Variants in DRC11 observed in about 807,000 individuals in gnomAD.
The protein encoded by DRC11 is IQ and AAA domain-containing protein 1.
At chr2:236,430,671 C>T in the DRC11 span, among the ~76,000 whole-genome samples, 3 of 152,286 alleles carry the variant, frequency 2.0e-5, no homozygotes, top group South Asian at 2.1e-4. This position sits in a 1 kb window ranked among gnomAD's most constrained non-coding sequence, Gnocchi z 6.0. Context: ...AGGTGGTGAA[C>T]ATATCTGCAG....
At chr2:236,442,398 AAGAGTACAT>A in the DRC11 span, among the ~76,000 whole-genome samples, 2 of 152,184 alleles carry the variant, frequency 1.3e-5, no homozygotes, top group Non-Finnish European at 2.9e-5. Flanking sequence ...CCTCAAATGG[AAGAGTACAT>A]AGAACAAGAA....
At chr2:236,401,165 C>T in the DRC11 span, among the ~76,000 whole-genome samples, 22 of 152,268 alleles carry the variant, frequency 1.4e-4, no homozygotes, top group Non-Finnish European at 2.2e-4. The surrounding 1 kb of genome is among the most constrained non-coding windows in gnomAD (Gnocchi z 4.6). Context: ...GGAGTGCCCC[C>T]GCCCACCTCT....
the DRC11 span, among the ~76,000 whole-genome samples, chr2:236,502,548 C>CAA: frequency 0.036 from 539 of 15,088 alleles, 178 homozygotes; most frequent in Non-Finnish European, 0.091. Context: ...TGCACTCCAG[C>CAA]AAAAAAAAAA....
the DRC11 span, among the ~76,000 whole-genome samples, chr2:236,467,367 T>C: frequency 8.1e-4 from 124 of 152,268 alleles, no homozygotes; most frequent in African/African-American, 1.7e-3. Flanking sequence ...ATAGTGCAAA[T>C]AGGAGAAAAA....
chr2:236,504,773 C>T, the DRC11 span, among the ~76,000 whole-genome samples: 3 of 152,306 alleles, frequency 2.0e-5, no homozygotes, highest in South Asian at 6.2e-4. The surrounding 1 kb of genome is among the most constrained non-coding windows in gnomAD (Gnocchi z 5.0). Context: ...AGTGAGTTCT[C>T]ACGAGATCGG....
chr2:236,364,943 T>A, the DRC11 span, among the ~76,000 whole-genome samples: 1 of 152,230 alleles, frequency 6.6e-6, no homozygotes, highest in South Asian at 2.1e-4. Flanking sequence ...AAAATAGTTT[T>A]GAGCAAATTC....
At chr2:236,331,492 A>T in the DRC11 span, 1 of 1,613,926 alleles carries the variant, frequency 6.2e-7, no homozygotes, top group Non-Finnish European at 8.5e-7. This position sits in a 1 kb window ranked among gnomAD's most constrained non-coding sequence, Gnocchi z 4.8. Context: ...AACCACTTCG[A>T]CTATATGTCC....
chr2:236,486,846 TCTC>T, the DRC11 span: 3 of 1,609,748 alleles, frequency 1.9e-6, no homozygotes, highest in East Asian at 2.2e-5. The surrounding 1 kb of genome is among the most constrained non-coding windows in gnomAD (Gnocchi z 5.7). Flanking sequence ...AGGAAGATCA[TCTC>T]CTCTTCTCTC....
At chr2:236,495,579 T>C in the DRC11 span, among the ~76,000 whole-genome samples, 1 of 152,090 alleles carries the variant, frequency 6.6e-6, no homozygotes, top group African/African-American at 2.4e-5. The surrounding 1 kb of genome is among the most constrained non-coding windows in gnomAD (Gnocchi z 5.6). Flanking sequence ...TTAGGAAAGG[T>C]TCCTCACATG....
At chr2:236,430,835 T>C in the DRC11 span, among the ~76,000 whole-genome samples, 1 of 152,242 alleles carries the variant, frequency 6.6e-6, no homozygotes, top group Non-Finnish European at 1.5e-5. This position sits in a 1 kb window ranked among gnomAD's most constrained non-coding sequence, Gnocchi z 6.0. Context: ...TGCATCTTGT[T>C]TGCCAGTTGC....
At chr2:236,338,145 GCACACAGTGGACAGC>G in the DRC11 span, 1 of 1,533,300 alleles carries the variant, frequency 6.5e-7, no homozygotes, top group Non-Finnish European at 8.8e-7. Flanking sequence ...CTCCTGGCAA[GCACACAGTGGACAGC>G]CCAGCCTCAG....
chr2:236,503,760 T>C, the DRC11 span: 8 of 1,457,416 alleles, frequency 5.5e-6, no homozygotes, highest in South Asian at 9.7e-5. The surrounding 1 kb of genome is among the most constrained non-coding windows in gnomAD (Gnocchi z 4.9). Context: ...CCTCCCACAC[T>C]GGACCGCCAG....
chr2:236,319,971 C>T, the DRC11 span, among the ~76,000 whole-genome samples: 6 of 152,198 alleles, frequency 3.9e-5, no homozygotes, highest in African/African-American at 1.2e-4. The surrounding 1 kb of genome is among the most constrained non-coding windows in gnomAD (Gnocchi z 6.7). Flanking sequence ...TGTCCTTCCC[C>T]CTCAGACTGC....
At chr2:236,417,939 T>C in the DRC11 span, among the ~76,000 whole-genome samples, 2 of 152,208 alleles carry the variant, frequency 1.3e-5, no homozygotes, top group South Asian at 2.1e-4. Context: ...TAGTATTCCA[T>C]GGTGTATATG....
the DRC11 span, among the ~76,000 whole-genome samples, chr2:236,389,728 G>A: frequency 1.3e-5 from 2 of 152,072 alleles, no homozygotes; most frequent in Non-Finnish European, 2.9e-5. Flanking sequence ...ATTTCCCTGC[G>A]AATTTTTTTC....
the DRC11 span, among the ~76,000 whole-genome samples, chr2:236,319,213 CAG>C: frequency 6.6e-6 from 1 of 152,232 alleles, no homozygotes; most frequent in Non-Finnish European, 1.5e-5. The surrounding 1 kb of genome is among the most constrained non-coding windows in gnomAD (Gnocchi z 6.7). Context: ...TTTGGGCACT[CAG>C]CAGTAATTGA....
chr2:236,321,044 G>A, the DRC11 span, among the ~76,000 whole-genome samples: 5 of 152,228 alleles, frequency 3.3e-5, no homozygotes, highest in African/African-American at 1.2e-4. Context: ...TACTGAGTCA[G>A]TGTGACCAGT....
the DRC11 span, among the ~76,000 whole-genome samples, chr2:236,395,997 C>G: frequency 2.6e-5 from 4 of 152,168 alleles, no homozygotes; most frequent in African/African-American, 7.2e-5. Context: ...CATTCTCATT[C>G]TGGAGTTGCA....
chr2:236,377,348 A>T, the DRC11 span, among the ~76,000 whole-genome samples: 1 of 152,326 alleles, frequency 6.6e-6, no homozygotes, highest in East Asian at 1.9e-4. The surrounding 1 kb of genome is among the most constrained non-coding windows in gnomAD (Gnocchi z 4.9). Flanking sequence ...CAATTTGGGG[A>T]TAAATTAGGC....
Sources: gnomAD v4.1 joint callset for allele counts (sites outside exome capture counted in the v4.1 genomes callset) on GRCh38, gnomAD v4.1.1 for gene constraint, Gnocchi (gnomAD v3.1) non-coding constraint, MANE v1.5 for transcripts, NCBI Gene and HGNC (gene_info 2026-07-23, HGNC 2026-07-21) for gene names.